Variants in LRMDA observed in about 807,000 individuals in gnomAD.
LRMDA encodes the protein leucine-rich melanocyte differentiation-associated protein.
Under a neutral mutation model 29.8 loss-of-function variants are expected in LRMDA, and 18 were observed. That is an observed-to-expected ratio of 0.60 (90% confidence interval 0.42 to 0.90). LRMDA has a LOEUF of 0.90. LRMDA is among the 40% of genes least tolerant of loss of function. LRMDA has a pLI of 0.00. For missense variants in LRMDA, 273 were observed against 273.9 expected (o/e 1.00, Z 0.02); for synonymous variants, 125 against 109.4 (o/e 1.14, Z -0.89).
At chr10:76,029,996 A>G (rs1238388432) in intron 2 of LRMDA, among the ~76,000 whole-genome samples, 1 of 152,160 alleles carries the variant, frequency 6.6e-6, no homozygotes, top group Non-Finnish European at 1.5e-5. Flanking sequence ...CCTGGGCTCA[A>G]GCGATTCTCT....
At chr10:76,297,125 A>T (rs1166300079) in intron 5 of LRMDA, among the ~76,000 whole-genome samples, 1 of 152,218 alleles carries the variant, frequency 6.6e-6, no homozygotes, top group Non-Finnish European at 1.5e-5. Flanking sequence ...GCCTGTTCTC[A>T]TGGCAATCCC....
chr10:75,828,822 T>G (rs1844289339), intron 2 of LRMDA, among the ~76,000 whole-genome samples: 1 of 152,196 alleles, frequency 6.6e-6, no homozygotes, highest in Non-Finnish European at 1.5e-5. Context: ...CACTTTGGTG[T>G]TGTCCTCTTG....
intron 2 of LRMDA, among the ~76,000 whole-genome samples, chr10:75,692,145 T>C (rs1402388516): frequency 6.8e-6 from 1 of 146,104 alleles, no homozygotes; most frequent in African/African-American, 2.5e-5. Context: ...AAGGCTAAAG[T>C]GAGATATGAT....
intron 3 of LRMDA, among the ~76,000 whole-genome samples, chr10:76,044,839 G>A (rs564352511): frequency 4.1e-4 from 62 of 152,322 alleles, no homozygotes; most frequent in African/African-American, 1.4e-3. Context: ...GGAGGATGTT[G>A]GTGAATTGAA....
chr10:75,682,767 A>G (rs1842039944), intron 2 of LRMDA, among the ~76,000 whole-genome samples: 1 of 152,116 alleles, frequency 6.6e-6, no homozygotes, highest in African/African-American at 2.4e-5. Flanking sequence ...CTTCCTCACA[A>G]GGACTTTCCT....
chr10:75,883,409 T>C (rs573730874), intron 2 of LRMDA: 2 of 152,222 alleles, frequency 1.3e-5, no homozygotes, highest in East Asian at 1.9e-4. Flanking sequence ...AATCAGCCTA[T>C]GCTCAACAGC....
intron 5 of LRMDA, among the ~76,000 whole-genome samples, chr10:76,151,658 G>T (rs117789272): frequency 0.015 from 2,264 of 152,296 alleles, 65 homozygotes; most frequent in Admixed American, 0.075. Flanking sequence ...GTTAACAAGA[G>T]AAAAGTATTT....
intron 2 of LRMDA, among the ~76,000 whole-genome samples, chr10:75,691,125 CATAGATATATAGATCTATATATCTATA>C (rs1842145959): frequency 3.8e-5 from 3 of 78,494 alleles, no homozygotes; most frequent in Admixed American, 2.2e-4. Context: ...TATCTATATA[CATAGATATATAGATCTATATATCTATA>C]TACATAGATA....
chr10:75,880,085 G>A (rs6480792), intron 2 of LRMDA, among the ~76,000 whole-genome samples: 113,979 of 152,148 alleles, frequency 0.75, 42,964 homozygotes, highest in East Asian at 0.98. Flanking sequence ...GCTGTTTGTC[G>A]GCCTGATTCC....
At chr10:75,749,326 G>A (rs1466023391) in intron 2 of LRMDA, among the ~76,000 whole-genome samples, 1 of 151,962 alleles carries the variant, frequency 6.6e-6, no homozygotes, top group Non-Finnish European at 1.5e-5. Flanking sequence ...TAGTACTTTT[G>A]GGGGAGCCAA....
At chr10:76,479,524 G>T (rs897772693) in intron 6 of LRMDA, among the ~76,000 whole-genome samples, 2 of 151,838 alleles carry the variant, frequency 1.3e-5, no homozygotes, top group African/African-American at 4.8e-5. Context: ...GTGAGAAGGG[G>T]CTAGGGAGCC....
chr10:75,463,240 A>G (rs1016750058), intron 2 of LRMDA, among the ~76,000 whole-genome samples: 2 of 152,194 alleles, frequency 1.3e-5, no homozygotes, highest in Non-Finnish European at 1.5e-5. Flanking sequence ...TCCAAACTTG[A>G]GCGTGCACAC....
chr10:76,015,192 C>T (rs551877795), intron 2 of LRMDA, among the ~76,000 whole-genome samples: 2 of 152,032 alleles, frequency 1.3e-5, no homozygotes, highest in South Asian at 4.1e-4. Context: ...ATCAAATTGC[C>T]CCCCAATTTA....
At chr10:76,175,679 C>G (rs1850921016) in intron 5 of LRMDA, among the ~76,000 whole-genome samples, 1 of 152,158 alleles carries the variant, frequency 6.6e-6, no homozygotes, top group African/African-American at 2.4e-5. Context: ...CCTGCCTGGC[C>G]CTGACTCATC....
intron 4 of LRMDA, among the ~76,000 whole-genome samples, chr10:76,054,851 G>C (rs766938757): frequency 1.4e-4 from 21 of 151,468 alleles, no homozygotes; most frequent in Non-Finnish European, 2.7e-4. Context: ...ATCACTTGAG[G>C]TCAGGAGTTT....
intron 5 of LRMDA, among the ~76,000 whole-genome samples, chr10:76,226,309 G>A (rs898821186): frequency 2.6e-5 from 4 of 151,970 alleles, no homozygotes; most frequent in African/African-American, 4.8e-5. Context: ...CAGGCCGGGC[G>A]TGGTGGCTTA....
chr10:75,541,338 C>T (rs1392848428), intron 2 of LRMDA, among the ~76,000 whole-genome samples: 1 of 151,104 alleles, frequency 6.6e-6, no homozygotes, highest in Non-Finnish European at 1.5e-5. Flanking sequence ...CGTTTTGCCT[C>T]TAATGTTATG....
At chr10:75,834,357 G>T (rs1370739497) in intron 2 of LRMDA, among the ~76,000 whole-genome samples, 1 of 152,126 alleles carries the variant, frequency 6.6e-6, no homozygotes, top group African/African-American at 2.4e-5. Flanking sequence ...AGAATACTCT[G>T]ATATTTTGAC....
At chr10:76,077,279 A>G (rs1848975873) in intron 5 of LRMDA, among the ~76,000 whole-genome samples, 2 of 152,308 alleles carry the variant, frequency 1.3e-5, no homozygotes, top group South Asian at 4.1e-4. Context: ...CAGTCTTTTA[A>G]GAGAAAAAGT....
Sources: allele counts gnomAD v4.1 joint callset (sites outside exome capture counted in the v4.1 genomes callset), GRCh38; gene constraint gnomAD v4.1.1; transcripts MANE v1.5; gene names NCBI Gene and HGNC (gene_info 2026-07-23, HGNC 2026-07-21).